AXDND1: variants seen among roughly 807,000 people sequenced by gnomAD.
AXDND1 encodes axonemal dynein light chain domain containing 1.
In AXDND1, 110 loss-of-function variants were observed where a neutral mutation model predicts 137.5. That is an observed-to-expected ratio of 0.80 (90% CI 0.69 to 0.94). The LOEUF (loss-of-function observed/expected upper bound fraction) is 0.94. AXDND1 is among the 40% of genes least tolerant of loss of function. The pLI, the probability that AXDND1 is intolerant of heterozygous loss-of-function variation, is 0.00. For missense variants in AXDND1, 1,191 were observed against 1,169.8 expected, an observed-to-expected ratio of 1.02 and a Z score of -0.26; for synonymous variants, 414 against 399.7, an observed-to-expected ratio of 1.04 and a Z score of -0.43.
chr1:179,427,235 A>G (rs1381931686), intron 12 of AXDND1, among the ~76,000 whole-genome samples: 1 of 152,142 alleles, frequency 6.6e-6, no homozygotes, highest in East Asian at 1.9e-4. Flanking sequence ...CACACACACA[A>G]AATCTTCACC....
chr1:179,440,144 A>C (rs1359986918), intron 15 of AXDND1, among the ~76,000 whole-genome samples: 1 of 152,188 alleles, frequency 6.6e-6, no homozygotes, highest in African/African-American at 2.4e-5. Context: ...TCTTTTCAAC[A>C]TGCATTGTAA....
In AXDND1 at chr1:179,411,279, G is replaced by A. The variant is rs181574151; in HGVS notation, c.1230+13G>A. ...ATTGGCCCTGAAGGTTAGTTCATCT[G>A]GATTCACAACTCACACTTCTTTTTT... On this transcript the variant is annotated intron_variant, in intron 12 of 25. Transcript: ENST00000367618. 7,397 of 1,602,418 alleles carry A rather than the reference G, an allele frequency of 4.6e-3. 42 individuals are homozygous for A. Among genetic ancestry groups the A allele is most frequent in the Non-Finnish European group, 4.4e-3 (5,226 of 1,177,110 alleles).
At chr1:179,529,968 T>C (rs1361882740) in intron 23 of AXDND1, among the ~76,000 whole-genome samples, 2 of 152,204 alleles carry the variant, frequency 1.3e-5, no homozygotes, top group African/African-American at 2.4e-5. Flanking sequence ...ATCACTATGT[T>C]GGTCACTAAG....
At chr1:179,395,238 G>T in intron 11 of AXDND1, 36 bp downstream of exon 11, 1 of 1,528,676 alleles carries the variant, frequency 6.5e-7, no homozygotes, top group South Asian at 1.2e-5. Flanking sequence ...TTACATAGGG[G>T]AAAAGGAAGA....
intron 25 of AXDND1, among the ~76,000 whole-genome samples, chr1:179,538,310 C>G (rs927352995): frequency 3.3e-5 from 5 of 152,158 alleles, no homozygotes; most frequent in African/African-American, 9.7e-5. Flanking sequence ...ATCTTTCCTG[C>G]TTTCTCTTGT....
chr1:179,493,994 C>CA (rs1667194535), intron 20 of AXDND1, among the ~76,000 whole-genome samples: 1 of 152,104 alleles, frequency 6.6e-6, no homozygotes, highest in Non-Finnish European at 1.5e-5. Flanking sequence ...CTCTGTTGCC[C>CA]AGGCTGGAGT....
intron 21 of AXDND1, among the ~76,000 whole-genome samples, chr1:179,524,136 G>C (rs1003173412): frequency 6.6e-6 from 1 of 152,112 alleles, no homozygotes; most frequent in Non-Finnish European, 1.5e-5. Flanking sequence ...ATTGTGAATT[G>C]TGCTGCTATA....
At chr1:179,421,307 T>A (rs777287990) in intron 12 of AXDND1, among the ~76,000 whole-genome samples, 2 of 151,796 alleles carry the variant, frequency 1.3e-5, no homozygotes, top group Non-Finnish European at 2.9e-5. Context: ...TGGGGTCTTT[T>A]GTGGTTCTCT....
intron 20 of AXDND1, among the ~76,000 whole-genome samples, chr1:179,506,037 G>A (rs1326812079): frequency 6.6e-6 from 1 of 152,190 alleles, no homozygotes; most frequent in African/African-American, 2.4e-5. Flanking sequence ...GTGAGACTTG[G>A]AGGCACTATA....
chr1:179,488,462 C>T (rs1666333465), intron 18 of AXDND1, among the ~76,000 whole-genome samples: 1 of 147,946 alleles, frequency 6.8e-6, no homozygotes, highest in Non-Finnish European at 1.5e-5. Flanking sequence ...GATGGGGTTT[C>T]ACCAAATTGC....
intron 21 of AXDND1, among the ~76,000 whole-genome samples, chr1:179,511,389 A>AT (rs1558287514): frequency 1.7e-4 from 18 of 106,236 alleles, no homozygotes; most frequent in African/African-American, 6.4e-4. Context: ...TATATGGTAT[A>AT]TGGGGTGTGT....
chr1:179,420,411 T>C (rs1369718975), intron 12 of AXDND1, among the ~76,000 whole-genome samples: 1 of 152,180 alleles, frequency 6.6e-6, no homozygotes, highest in Admixed American at 6.5e-5. Context: ...TTCTTTTTTT[T>C]GTTGTGTTCT....
intron 11 of AXDND1, among the ~76,000 whole-genome samples, chr1:179,401,551 C>T (rs183652217): frequency 5.7e-4 from 87 of 152,202 alleles, no homozygotes; most frequent in African/African-American, 1.6e-3. Flanking sequence ...TACTTTTATT[C>T]TATTTTATTC....
At chr1:179,464,367 C>A (rs1381118049) in intron 16 of AXDND1, among the ~76,000 whole-genome samples, 2 of 152,174 alleles carry the variant, frequency 1.3e-5, no homozygotes, top group Non-Finnish European at 2.9e-5. Flanking sequence ...TTCTCCTTCA[C>A]TTATGAAGCT....
intron 21 of AXDND1, among the ~76,000 whole-genome samples, chr1:179,514,173 T>G (rs576445369): frequency 6.6e-6 from 1 of 152,296 alleles, no homozygotes; most frequent in African/African-American, 2.4e-5. Context: ...AATGTCGGTT[T>G]GTATTCTTTC....
chr1:179,400,306 C>G (rs1467337073), intron 11 of AXDND1, among the ~76,000 whole-genome samples: 1 of 152,032 alleles, frequency 6.6e-6, no homozygotes, highest in Admixed American at 6.6e-5. Flanking sequence ...GACCATTATT[C>G]TAAGTGAAGT....
intron 20 of AXDND1, among the ~76,000 whole-genome samples, chr1:179,502,902 C>T (rs1291995906): frequency 2.5e-4 from 38 of 151,890 alleles, no homozygotes; most frequent in Admixed American, 2.5e-3. Context: ...TCAAGACCAG[C>T]CTGACCAACA....
At chr1:179,521,610 T>C (rs906020289) in intron 21 of AXDND1, among the ~76,000 whole-genome samples, 1 of 152,164 alleles carries the variant, frequency 6.6e-6, no homozygotes. Context: ...ATTTAATTTA[T>C]TTGTTCTTTC....
At chr1:179,549,652 A>G (rs991555404) in intron 25 of AXDND1, among the ~76,000 whole-genome samples, 1 of 152,096 alleles carries the variant, frequency 6.6e-6, no homozygotes, top group Non-Finnish European at 1.5e-5. Context: ...CTTCTTCATT[A>G]CACATGCCAA....
Sources: allele counts gnomAD v4.1 joint callset (sites outside exome capture counted in the v4.1 genomes callset), GRCh38; gene constraint gnomAD v4.1.1; transcripts MANE v1.5; gene names NCBI Gene and HGNC (gene_info 2026-07-23, HGNC 2026-07-21).